The following TENM3 variants were observed in gnomAD, a reference collection of about 807,000 sequenced individuals.
TENM3 encodes the protein teneurin transmembrane protein 3.
Under a neutral mutation model 255.1 loss-of-function variants are expected in TENM3, and 63 were observed. That is an observed-to-expected ratio of 0.25 (90% confidence interval 0.20 to 0.30). The LOEUF is 0.30. Ranked by LOEUF, TENM3 falls within the 10% of genes least tolerant of loss-of-function variation. TENM3 has a pLI of 1.00. For missense variants in TENM3, 2,929 were observed against 3,461.1 expected, an observed-to-expected ratio of 0.85 and a Z score of 3.86; for synonymous variants, 1,306 against 1,322.3, an observed-to-expected ratio of 0.99 and a Z score of 0.27.
At chr4:181,476,350 T>C in the TENM3 span, among the ~76,000 whole-genome samples, 5 of 152,062 alleles carry the variant, frequency 3.3e-5, no homozygotes, top group African/African-American at 1.2e-4. Context: ...TGTTTACCCA[T>C]GCGGCTTTTA....
chr4:182,251,048 C>T (rs11724819), intron 1 of TENM3, among the ~76,000 whole-genome samples: 31,847 of 152,124 alleles, frequency 0.21, 3,652 homozygotes, highest in Non-Finnish European at 0.24. Context: ...CAGAGCCTCT[C>T]AGTGTTCCAG....
At chr4:181,659,149 A>G in the TENM3 span, among the ~76,000 whole-genome samples, 1 of 152,360 alleles carries the variant, frequency 6.6e-6, no homozygotes, top group South Asian at 2.1e-4. Flanking sequence ...TAAAGATAGT[A>G]ATATCAATTA....
At chr4:182,706,948 G>A (rs1758323908) in intron 12 of TENM3, among the ~76,000 whole-genome samples, 1 of 148,646 alleles carries the variant, frequency 6.7e-6, no homozygotes, top group Non-Finnish European at 1.5e-5. Flanking sequence ...GACAGAGTGA[G>A]ACCCTGTATC....
chr4:181,731,560 C>T, the TENM3 span, among the ~76,000 whole-genome samples: 3 of 152,184 alleles, frequency 2.0e-5, no homozygotes, highest in Admixed American at 6.5e-5. Flanking sequence ...ACCATGTTGC[C>T]CAGGCTGGTC....
chr4:181,905,284 C>A, the TENM3 span, among the ~76,000 whole-genome samples: 2 of 152,112 alleles, frequency 1.3e-5, no homozygotes, highest in Admixed American at 1.3e-4. Context: ...TTCATAAGAG[C>A]AGATGTGCTT....
At chr4:181,595,651 G>A in the TENM3 span, among the ~76,000 whole-genome samples, 4 of 151,962 alleles carry the variant, frequency 2.6e-5, no homozygotes, top group Admixed American at 1.3e-4. Context: ...TCTAAAAAAC[G>A]CTGGTTTAAA....
chr4:181,672,473 A>G, the TENM3 span, among the ~76,000 whole-genome samples: 14 of 152,178 alleles, frequency 9.2e-5, no homozygotes, highest in African/African-American at 3.4e-4. Flanking sequence ...CACTTCTGTG[A>G]GTGAAGTGAT....
chr4:181,496,491 G>A, the TENM3 span, among the ~76,000 whole-genome samples: 1 of 152,026 alleles, frequency 6.6e-6, no homozygotes, highest in African/African-American at 2.4e-5. Context: ...ATATATTTTT[G>A]TGATAAAATA....
intron 3 of TENM3, among the ~76,000 whole-genome samples, chr4:182,416,708 T>C (rs1160988452): frequency 1.3e-5 from 2 of 152,220 alleles, no homozygotes; most frequent in Non-Finnish European, 2.9e-5. Flanking sequence ...AAAATTATTC[T>C]AGATAGAATT....
chr4:181,570,501 A>T, the TENM3 span, among the ~76,000 whole-genome samples: 3 of 151,826 alleles, frequency 2.0e-5, no homozygotes, highest in Non-Finnish European at 4.4e-5. Context: ...ACCCTGTCTC[A>T]GCGACAAAGA....
chr4:182,746,183 A>G (rs1454922799), intron 19 of TENM3, among the ~76,000 whole-genome samples: 2 of 152,196 alleles, frequency 1.3e-5, no homozygotes, highest in Admixed American at 1.3e-4. Context: ...CTTAAATAAC[A>G]TTATCAGTAT....
chr4:181,762,472 G>T, the TENM3 span, among the ~76,000 whole-genome samples: 2 of 152,120 alleles, frequency 1.3e-5, no homozygotes, highest in African/African-American at 4.8e-5. Flanking sequence ...AAAGGTCACT[G>T]TAAGCCATGG....
chr4:181,497,642 A>G, the TENM3 span, among the ~76,000 whole-genome samples: 1 of 152,200 alleles, frequency 6.6e-6, no homozygotes, highest in Non-Finnish European at 1.5e-5. Context: ...AGGAATCAGG[A>G]AACTAGAGTA....
rs370394608 is a variant in TENM3, at chr4:182,679,663, C to T, written c.1327-3C>T. 102 of 1,610,938 alleles carry T rather than the reference C, an allele frequency of 6.3e-5. No individual in the cohort carries two copies. The highest frequency in any genetic ancestry group is 8.3e-5 in the Non-Finnish European group (98 of 1,178,640). On this transcript the variant is annotated splice_polypyrimidine_tract_variant and splice_region_variant and intron_variant, in intron 7 of 27. Coordinates refer to ENST00000511685, the MANE Select transcript of TENM3 (RefSeq NM_001080477.4). Reference sequence around the variant, plus strand: ...TGACTATTTTTCCTCGTCCTCCCCCCAGTATGACTTCGTGGAGCTCCTGGA... The same window carrying T: ...TGACTATTTTTCCTCGTCCTCCCCCTAGTATGACTTCGTGGAGCTCCTGGA...
the TENM3 span, among the ~76,000 whole-genome samples, chr4:181,714,074 G>T: frequency 6.6e-6 from 1 of 152,284 alleles, no homozygotes; most frequent in South Asian, 2.1e-4. Context: ...CCTGGGCATA[G>T]TGGTCCTCAG....
the TENM3 span, among the ~76,000 whole-genome samples, chr4:181,591,324 T>TA: frequency 6.6e-6 from 1 of 152,226 alleles, no homozygotes; most frequent in Non-Finnish European, 1.5e-5. Context: ...GGAAGTTTAT[T>TA]AAAAATTGAA....
the TENM3 span, among the ~76,000 whole-genome samples, chr4:181,729,490 A>C: frequency 6.6e-6 from 1 of 152,102 alleles, no homozygotes; most frequent in East Asian, 1.9e-4. Context: ...GGAACCGGAA[A>C]GGCAGCCAGG....
the TENM3 span, among the ~76,000 whole-genome samples, chr4:181,932,507 G>A: frequency 5.9e-5 from 9 of 152,164 alleles, no homozygotes; most frequent in Non-Finnish European, 1.2e-4. Flanking sequence ...TAAAAAGTCA[G>A]GAAACAACAG....
the TENM3 span, among the ~76,000 whole-genome samples, chr4:181,888,566 ATG>A: frequency 1.1e-5 from 1 of 90,876 alleles, no homozygotes; most frequent in Non-Finnish European, 2.2e-5. Flanking sequence ...ATATACATAT[ATG>A]TATATATATA....
Sources: allele counts gnomAD v4.1 joint callset (sites outside exome capture counted in the v4.1 genomes callset), GRCh38; gene constraint gnomAD v4.1.1; transcripts MANE v1.5; gene names NCBI Gene and HGNC (gene_info 2026-07-23, HGNC 2026-07-21).